The following PLEKHA3 variants were observed in gnomAD, a reference collection of about 807,000 sequenced individuals.
The protein encoded by PLEKHA3 is pleckstrin homology domain containing A3, also known as pleckstrin homology domain-containing family A member 3.
PLEKHA3 carries 19 observed loss-of-function variants against 39.2 expected under a neutral mutation model. That is an observed-to-expected ratio of 0.48 (90% CI 0.34 to 0.71). PLEKHA3 has a LOEUF of 0.71. PLEKHA3 is among the 30% of genes least tolerant of loss of function. The probability of loss-of-function intolerance (pLI) is 0.01; values close to 1 mark genes in which losing one functional copy is unlikely to be tolerated. For missense variants in PLEKHA3, 253 were observed against 359.5 expected, an observed-to-expected ratio of 0.70 and a Z score of 2.40; for synonymous variants, 97 against 118.6, an observed-to-expected ratio of 0.82 and a Z score of 1.18.
At chr2:178,484,506 T>A (rs1181956473) in intron 1 of PLEKHA3, among the ~76,000 whole-genome samples, 1 of 152,228 alleles carries the variant, frequency 6.6e-6, no homozygotes, top group Non-Finnish European at 1.5e-5. Context: ...GTCCTGGATC[T>A]GTATTAAAGT....
chr2:178,493,313 A>G (rs142075469), intron 3 of PLEKHA3, among the ~76,000 whole-genome samples: 2 of 152,360 alleles, frequency 1.3e-5, no homozygotes, highest in African/African-American at 4.8e-5. Flanking sequence ...ATGTTTATAA[A>G]CAATAGTTTT....
In PLEKHA3 at chr2:178,511,057, G is replaced by C. The variant is rs564413639; in HGVS notation, c.*7170G>C. 1 of 152,252 alleles carries C rather than the reference G, an allele frequency of 6.6e-6. No homozygotes were observed. Among genetic ancestry groups the C allele is most frequent in the South Asian group, 2.1e-4 (1 of 4,830 alleles). 9.4% of individuals were successfully genotyped at this position (152,252 alleles called of 1,614,324 possible). On this transcript the variant is annotated 3_prime_UTR_variant, in exon 8 of 8. Transcript: ENST00000234453. The stretch of plus-strand genomic sequence containing the variant: ...TATCTTTTTTGTGTCTGGATTCAGA[G>C]AGGTATGATAATGAGATTCTCTTCT...
chr2:178,491,169 C>A (rs765325249), intron 3 of PLEKHA3, among the ~76,000 whole-genome samples: 34 of 152,008 alleles, frequency 2.2e-4, no homozygotes, highest in Non-Finnish European at 4.1e-4. Context: ...TGCTACCATG[C>A]CTGGCTAATT....
At chr2:178,485,282 T>C (rs958439393) in intron 1 of PLEKHA3, among the ~76,000 whole-genome samples, 1 of 152,228 alleles carries the variant, frequency 6.6e-6, no homozygotes, top group Non-Finnish European at 1.5e-5. Flanking sequence ...TTTCCCATAA[T>C]ATCGTAACCC....
chr2:178,483,935 C>G (rs2154127519), intron 1 of PLEKHA3, among the ~76,000 whole-genome samples: 1 of 152,152 alleles, frequency 6.6e-6, no homozygotes, highest in African/African-American at 2.4e-5. Context: ...AAAAATTAGC[C>G]AGGCATGGTG....
intron 2 of PLEKHA3, among the ~76,000 whole-genome samples, chr2:178,486,757 G>T (rs1575142284): frequency 1.3e-5 from 2 of 152,066 alleles, no homozygotes; most frequent in South Asian, 4.1e-4. Context: ...CACAATTTTG[G>T]TATCCATTCT....
chr2:178,497,122 C>A (rs914088424), intron 5 of PLEKHA3, among the ~76,000 whole-genome samples: 1 of 151,538 alleles, frequency 6.6e-6, no homozygotes. Flanking sequence ...TATTATGAAT[C>A]TCTGAGAGGT....
chr2:178,507,413 G>A lies in PLEKHA3; in HGVS notation c.*3526G>A, dbSNP rs1685620035. Reference sequence around the variant, plus strand: ...ATTTTTTCTGGGGTTGGTATTGCCTGATTTTCAAATTTGCTTAGTTTTTAA... The same window carrying A: ...ATTTTTTCTGGGGTTGGTATTGCCTAATTTTCAAATTTGCTTAGTTTTTAA... On this transcript the variant is annotated 3_prime_UTR_variant, in exon 8 of 8. Transcript: ENST00000234453. 6.6e-6 allele frequency: 1 copy of A among 152,090 alleles called. No homozygotes were observed. The highest frequency in any genetic ancestry group is 1.5e-5 in the Non-Finnish European group (1 of 68,010). The allele number at this position is 152,090 out of a possible 1,614,324, so 9.4% of individuals were successfully genotyped here. A position where few individuals can be genotyped will look rare whatever the true frequency, so the allele number is the denominator to read the frequency against.
At chr2:178,482,655 A>G (rs1158143089) in intron 1 of PLEKHA3, among the ~76,000 whole-genome samples, 2 of 151,888 alleles carry the variant, frequency 1.3e-5, no homozygotes. Flanking sequence ...CCATTGGGCC[A>G]TTACTGAGAT....
intron 2 of PLEKHA3, among the ~76,000 whole-genome samples, chr2:178,487,971 T>G (rs531033183): frequency 6.6e-6 from 1 of 152,258 alleles, no homozygotes. Flanking sequence ...TTTTTAGATG[T>G]TAGCCATTTG....
intron 6 of PLEKHA3, 81 bp from the exon 7 acceptor site, chr2:178,500,980 A>G (rs1685521353): frequency 2.4e-6 from 2 of 846,120 alleles, no homozygotes; most frequent in African/African-American, 1.7e-5. Context: ...TCACTTAAAG[A>G]GAAGTCATTT....
intron 3 of PLEKHA3, among the ~76,000 whole-genome samples, chr2:178,492,629 TA>T (rs34187810): frequency 2.9e-3 from 392 of 137,136 alleles, no homozygotes; most frequent in African/African-American, 3.0e-3. Flanking sequence ...TAATAATGAT[TA>T]AAAAAAAAAA....
chr2:178,495,228 T>C (rs780826991), intron 4 of PLEKHA3, among the ~76,000 whole-genome samples: 1 of 152,214 alleles, frequency 6.6e-6, no homozygotes, highest in Non-Finnish European at 1.5e-5. Flanking sequence ...TTTTTCAATA[T>C]GATAATTAAA....
Position 178,506,870 on chromosome 2 carries a change from A to G in PLEKHA3, c.*2983A>G, listed in dbSNP as rs572812323. 2.0e-5 allele frequency: 3 copies of G among 152,232 alleles called. No homozygotes were observed. The South Asian group carries it at 6.2e-4, about 32-fold the overall frequency. 9.4% of individuals were successfully genotyped at this position (152,232 alleles called of 1,614,324 possible). ...GGTAAATGAATGGTAGGTAGCTGGTAGGTAGGCCTTCTTGTTCATGTCTTT... is the reference window on the plus strand; with the variant it reads ...GGTAAATGAATGGTAGGTAGCTGGTGGGTAGGCCTTCTTGTTCATGTCTTT... On this transcript the variant is annotated 3_prime_UTR_variant, in exon 8 of 8. Transcript: ENST00000234453.
chr2:178,489,835 A>G (rs1685315575), intron 2 of PLEKHA3, among the ~76,000 whole-genome samples: 1 of 152,142 alleles, frequency 6.6e-6, no homozygotes, highest in Non-Finnish European at 1.5e-5. Context: ...TACACAAGAA[A>G]TCTCTGCACC....
In PLEKHA3 at chr2:178,506,266, T is replaced by C. The variant is rs1685599822; in HGVS notation, c.*2379T>C. ...GTTATTGAGAAATTTGGAGGTTCTC[T>C]TGGCAGCCTATCAGTGATCTTCTAA... On this transcript the variant is annotated 3_prime_UTR_variant, in exon 8 of 8. Transcript: ENST00000234453. 6.6e-6 allele frequency: 1 copy of C among 152,180 alleles called. No homozygotes were observed. Among genetic ancestry groups the C allele is most frequent in the South Asian group, 2.1e-4 (1 of 4,834 alleles). The allele number at this position is 152,180 out of a possible 1,614,324, so 9.4% of individuals were successfully genotyped here.
In PLEKHA3 at chr2:178,512,386, T is replaced by G. The variant is rs1558934292; in HGVS notation, c.*8499T>G. 6.6e-6 allele frequency: 1 copy of G among 152,320 alleles called. No individual in the cohort carries two copies. The allele number at this position is 152,320 out of a possible 1,614,324, so 9.4% of individuals were successfully genotyped here. A position where few individuals can be genotyped will look rare whatever the true frequency, so the allele number is the denominator to read the frequency against. On this transcript the variant is annotated 3_prime_UTR_variant, in exon 8 of 8. Coordinates refer to ENST00000234453, the MANE Select transcript of PLEKHA3 (RefSeq NM_019091.4). ...TTCCATGGGTAATATATTCAGAATA[T>G]TAAAGATGAGTAAAATGTATGACTA... is the stretch of plus-strand genomic sequence containing the variant.
intron 2 of PLEKHA3, among the ~76,000 whole-genome samples, chr2:178,486,587 A>AAT (rs1160342059): frequency 1.4e-5 from 2 of 144,612 alleles, no homozygotes; most frequent in Non-Finnish European, 3.0e-5. Context: ...GCCATACATA[A>AAT]GTGTTGTCTT....
chr2:178,498,122 C>T lies in PLEKHA3; in HGVS notation c.616-1089C>T, dbSNP rs75480231. 1.7e-4 allele frequency among the ~76,000 whole-genome samples: 26 copies of T among 152,188 alleles called. No individual in the cohort carries two copies. The East Asian group carries it at 4.1e-3, about 24-fold the overall frequency. On this transcript the variant is annotated intron_variant, in intron 5 of 7. Coordinates refer to ENST00000234453, the MANE Select transcript of PLEKHA3 (RefSeq NM_019091.4). ...CTCAATGAATTCATCTTAGAGTAAACTTGCATTTAACTTTATTTCAAGTTG... is the reference window on the plus strand; with the variant it reads ...CTCAATGAATTCATCTTAGAGTAAATTTGCATTTAACTTTATTTCAAGTTG...
Sources: allele counts gnomAD v4.1 joint callset (sites outside exome capture counted in the v4.1 genomes callset), GRCh38; gene constraint gnomAD v4.1.1; transcripts MANE v1.5; gene names NCBI Gene and HGNC (gene_info 2026-07-23, HGNC 2026-07-21).